The following MARCHF6 variants were observed in gnomAD, a reference collection of about 807,000 sequenced individuals.
The protein encoded by MARCHF6 is E3 ubiquitin-protein ligase MARCHF6.
MARCHF6 carries 31 observed loss-of-function variants against 133.7 expected under a neutral mutation model. The observed-to-expected ratio is 0.23, with a 90% CI of 0.17 to 0.31. The LOEUF is 0.31. Among genes scored for constraint, MARCHF6 ranks in the 10% least tolerant of loss-of-function variants. The pLI, the probability that MARCHF6 is intolerant of heterozygous loss-of-function variation, is 1.00. For synonymous variants in MARCHF6, 395 were observed against 402.5 expected (o/e 0.98, Z 0.22); for missense variants, 723 against 1,121.6 (o/e 0.64, Z 5.08).
At chr5:10,381,690 A>T in intron 3 of MARCHF6, 110 bp from the exon 4 acceptor site, 1 of 828,150 alleles carries the variant, frequency 1.2e-6, no homozygotes. Context: ...TAGGAAAAAA[A>T]TTAAGCACAA....
intron 1 of MARCHF6, among the ~76,000 whole-genome samples, chr5:10,359,584 A>C (rs1735686843): frequency 6.6e-6 from 1 of 152,164 alleles, no homozygotes; most frequent in Non-Finnish European, 1.5e-5. Context: ...GTGAATTTCC[A>C]AAAAATTCTC....
At chr5:10,428,056 C>G (rs1211229555) in intron 24 of MARCHF6, among the ~76,000 whole-genome samples, 1 of 151,994 alleles carries the variant, frequency 6.6e-6, no homozygotes, top group Non-Finnish European at 1.5e-5. Flanking sequence ...CAGGCCAAGA[C>G]CCTGTCTCAA....
chr5:10,416,401 A>G (rs1177860834), intron 21 of MARCHF6, among the ~76,000 whole-genome samples: 1 of 152,276 alleles, frequency 6.6e-6, no homozygotes, highest in Non-Finnish European at 1.5e-5. Context: ...TATAAAATCC[A>G]TTTTTATAGT....
chr5:10,400,588 T>G (rs1239026792), intron 10 of MARCHF6, among the ~76,000 whole-genome samples, 196 bp from the exon 11 acceptor site: 1 of 152,188 alleles, frequency 6.6e-6, no homozygotes, highest in Non-Finnish European at 1.5e-5. Context: ...TGTGTTGATT[T>G]GGCATGGCCC....
At chr5:10,429,817 A>G (rs1365422273) in intron 24 of MARCHF6, 76 bp from the exon 25 acceptor site, 3 of 1,244,018 alleles carry the variant, frequency 2.4e-6, no homozygotes, top group East Asian at 4.7e-5. Context: ...CCATTCTTCT[A>G]GGGGAAGGAC....
Position 10,353,826 on chromosome 5 carries a change from C to T in MARCHF6, c.-73C>T, listed in dbSNP as rs879491750. 9.1e-6 allele frequency: 13 copies of T among 1,436,060 alleles called. No individual in the cohort carries two copies. Among genetic ancestry groups the T allele is most frequent in the Middle Eastern group, 1.7e-4 (1 of 5,766 alleles). The allele number at this position is 1,436,060 out of a possible 1,614,324, so 89.0% of individuals were successfully genotyped here. On this transcript the variant is annotated 5_prime_UTR_variant, in exon 1 of 26. Transcript: ENST00000274140. ...ACCTGCCCGGGCCCGGCTCCCTCCT[C>T]CTCTCCCCTCCCTCTTTCCCCGCCC... is the stretch of plus-strand genomic sequence containing the variant.
At chr5:10,359,241 C>T (rs143704202) in intron 1 of MARCHF6, among the ~76,000 whole-genome samples, 6 of 152,104 alleles carry the variant, frequency 3.9e-5, no homozygotes, top group African/African-American at 1.4e-4. Flanking sequence ...AAGAAAAAGT[C>T]GAATTGCTTC....
intron 1 of MARCHF6, among the ~76,000 whole-genome samples, chr5:10,367,388 CTG>C (rs1371077264): frequency 1.3e-5 from 2 of 152,146 alleles, no homozygotes; most frequent in Non-Finnish European, 2.9e-5. Context: ...TATGGGAACT[CTG>C]TACTCTCTTC....
chr5:10,398,383 AATTTACTTGT>A (rs1344260177), intron 10 of MARCHF6, among the ~76,000 whole-genome samples: 19 of 152,174 alleles, frequency 1.2e-4, no homozygotes, highest in African/African-American at 4.6e-4. Context: ...GAGGAAGATA[AATTTACTTGT>A]ATTTTGTTAA....
chr5:10,362,991 GA>G (rs144203529), intron 1 of MARCHF6, among the ~76,000 whole-genome samples: 16 of 147,170 alleles, frequency 1.1e-4, no homozygotes, highest in Non-Finnish European at 2.0e-4. Flanking sequence ...ATAGCTGTAG[GA>G]AAAAAAAAAG....
chr5:10,375,318 G>T (rs1736706061), intron 1 of MARCHF6, among the ~76,000 whole-genome samples: 1 of 152,248 alleles, frequency 6.6e-6, no homozygotes, highest in South Asian at 2.1e-4. Context: ...GCTGCAGAGG[G>T]TGTACTGGGT....
intron 7 of MARCHF6, among the ~76,000 whole-genome samples, chr5:10,391,937 T>C (rs1737874962): frequency 6.6e-6 from 1 of 152,200 alleles, no homozygotes; most frequent in African/African-American, 2.4e-5. Context: ...TGTTTTGTGT[T>C]TTAAAATCCT....
intron 1 of MARCHF6, among the ~76,000 whole-genome samples, chr5:10,360,677 G>A (rs1402209574): frequency 6.6e-6 from 1 of 152,156 alleles, no homozygotes; most frequent in African/African-American, 2.4e-5. Context: ...CAAATTTCTG[G>A]AAGCTACAAT....
chr5:10,422,429 G>A (rs927097482), intron 22 of MARCHF6, among the ~76,000 whole-genome samples: 7 of 152,156 alleles, frequency 4.6e-5, no homozygotes, highest in African/African-American at 1.4e-4. Context: ...ATAAAAACAC[G>A]TAATTGGGTA....
In MARCHF6 at chr5:10,438,815, A is replaced by G. The variant is rs1456225599; in HGVS notation, c.*5131A>G. The G allele has an allele frequency of 6.6e-6, 1 of 152,230 alleles. No individual in the cohort carries two copies. The highest frequency in any genetic ancestry group is 1.5e-5 in the Non-Finnish European group (1 of 68,044). The allele number at this position is 152,230 out of a possible 1,614,324, so 9.4% of individuals were successfully genotyped here. On this transcript the variant is annotated 3_prime_UTR_variant, in exon 26 of 26. Coordinates refer to ENST00000274140, the MANE Select transcript of MARCHF6 (RefSeq NM_005885.4). Reference sequence around the variant, plus strand: ...GGAGAGATGGCCTAGCCACTTCCTTAGTGACTGTTTGGTATATGTAGGTCC... The same window carrying G: ...GGAGAGATGGCCTAGCCACTTCCTTGGTGACTGTTTGGTATATGTAGGTCC...
intron 22 of MARCHF6, among the ~76,000 whole-genome samples, chr5:10,418,555 A>G (rs968247764): frequency 5.3e-5 from 8 of 152,304 alleles, no homozygotes; most frequent in South Asian, 2.1e-4. Context: ...GAAAAGAGCT[A>G]GGTATTGACT....
chr5:10,400,378 G>C (rs1017177099), intron 10 of MARCHF6, among the ~76,000 whole-genome samples: 19 of 152,136 alleles, frequency 1.2e-4, no homozygotes, highest in Admixed American at 1.1e-3. Context: ...ACATGGGTGT[G>C]CTAACTGCTT....
intron 1 of MARCHF6, among the ~76,000 whole-genome samples, chr5:10,363,528 A>G: frequency 6.6e-6 from 1 of 152,218 alleles, no homozygotes; most frequent in East Asian, 1.9e-4. Context: ...TGGAACCTTC[A>G]TTTGTTACGC....
chr5:10,378,772 C>A lies in MARCHF6; in HGVS notation c.130C>A (p.Leu44Met). 1 of 1,605,348 alleles carries A rather than the reference C, an allele frequency of 6.2e-7. No individual in the cohort carries two copies. ...TTATAATTACAGCTTAGTTCAATGG[C>A]TGAAACACAGTCGAAAAGAATACTG... ...FIHQECLVQW[L>M]KHSRKEYCEL... Residue 44 changes from leucine to methionine, a missense_variant, in exon 3 of 26, where the codon CTG becomes ATG. Transcript: ENST00000274140.
Sources: allele counts gnomAD v4.1 joint callset (sites outside exome capture counted in the v4.1 genomes callset), GRCh38; gene constraint gnomAD v4.1.1; transcripts MANE v1.5; gene names NCBI Gene and HGNC (gene_info 2026-07-23, HGNC 2026-07-21).